The following CNTNAP5 variants were observed in gnomAD, a reference collection of about 807,000 sequenced individuals.
The protein encoded by CNTNAP5 is contactin-associated protein-like 5.
CNTNAP5 carries 72 observed loss-of-function variants against 150.2 expected under a neutral mutation model. The ratio of observed to expected loss-of-function variants is 0.48; its 90% CI spans 0.40 to 0.58. The LOEUF is 0.58. Among genes scored for constraint, CNTNAP5 ranks in the 20% least tolerant of loss-of-function variants. The probability of loss-of-function intolerance (pLI) is 0.00; values close to 1 mark genes in which losing one functional copy is unlikely to be tolerated. For missense variants in CNTNAP5, 1,636 were observed against 1,626.2 expected (o/e 1.01, Z -0.10); for synonymous variants, 672 against 619.8 (o/e 1.08, Z -1.25).
At chr2:124,164,456 A>G (rs1238568771) in intron 1 of CNTNAP5, among the ~76,000 whole-genome samples, 1 of 152,216 alleles carries the variant, frequency 6.6e-6, no homozygotes, top group Non-Finnish European at 1.5e-5. Context: ...CTAAGTGCAG[A>G]GACTCTGTTT....
At chr2:124,522,390 G>T (rs939080709) in intron 8 of CNTNAP5, among the ~76,000 whole-genome samples, 4 of 152,192 alleles carry the variant, frequency 2.6e-5, no homozygotes, top group Admixed American at 6.5e-5. Flanking sequence ...TGGGGACTCT[G>T]CAAGCAGTAG....
chr2:124,352,834 G>GA (rs893697433), intron 3 of CNTNAP5, among the ~76,000 whole-genome samples: 4 of 152,166 alleles, frequency 2.6e-5, no homozygotes, highest in Non-Finnish European at 5.9e-5. Flanking sequence ...ACTGGAAGCT[G>GA]AAAATCCATG....
intron 19 of CNTNAP5, among the ~76,000 whole-genome samples, chr2:124,864,573 TCACACACACACACACA>T (rs10531893): frequency 6.0e-5 from 9 of 149,958 alleles, no homozygotes; most frequent in African/African-American, 2.0e-4. Flanking sequence ...TCTCTGTGTC[TCACACACACACACACA>T]CACACACACA....
chr2:124,451,330 A>G (rs970403600), intron 6 of CNTNAP5, among the ~76,000 whole-genome samples: 3 of 151,866 alleles, frequency 2.0e-5, no homozygotes, highest in African/African-American at 7.3e-5. Flanking sequence ...AGTTTTAAAT[A>G]GAGATCATAT....
chr2:124,199,409 G>A (rs1052412257), intron 1 of CNTNAP5, among the ~76,000 whole-genome samples: 1 of 110,564 alleles, frequency 9.0e-6, no homozygotes, highest in African/African-American at 3.4e-5. Flanking sequence ...TTTATTCCAA[G>A]GTTCTTTTTT....
chr2:124,614,882 C>T lies in CNTNAP5; in HGVS notation c.1876+4962C>T, dbSNP rs915484436. Among the ~76,000 whole-genome samples, 6 of 152,062 alleles carry T rather than the reference C, an allele frequency of 3.9e-5. 1 individual carries two copies. The highest frequency in any genetic ancestry group is 1.4e-4 in the African/African-American group (6 of 41,380). ...AGCCTTATTTTACCCAGTCCCTATT[C>T]AAGACGGAGTCACTCTGGTTTAAAT... On this transcript the variant is annotated intron_variant, in intron 12 of 23. Transcript: ENST00000682447.
intron 1 of CNTNAP5, among the ~76,000 whole-genome samples, chr2:124,122,318 A>G (rs2104717478): frequency 6.6e-6 from 1 of 152,332 alleles, no homozygotes; most frequent in Non-Finnish European, 1.5e-5. Flanking sequence ...TGTCAGGCAC[A>G]GATATATTTA....
chr2:124,360,209 G>A (rs1479059981), intron 3 of CNTNAP5, among the ~76,000 whole-genome samples: 1 of 151,466 alleles, frequency 6.6e-6, no homozygotes, highest in Non-Finnish European at 1.5e-5. Flanking sequence ...CTCTGTACGT[G>A]AGATGGGTTT....
At chr2:124,104,994 C>G (rs375613327) in intron 1 of CNTNAP5, among the ~76,000 whole-genome samples, 1 of 147,210 alleles carries the variant, frequency 6.8e-6, no homozygotes, top group African/African-American at 2.5e-5. Flanking sequence ...CTCCCTCGGA[C>G]CAACCACTTT....
At chr2:124,829,980 GA>G (rs1682679693) in intron 19 of CNTNAP5, among the ~76,000 whole-genome samples, 1 of 151,192 alleles carries the variant, frequency 6.6e-6, no homozygotes, top group Non-Finnish European at 1.5e-5. Context: ...TATAATTTTA[GA>G]AAAGATTTAA....
At chr2:124,525,458 CTTAT>C (rs941364538) in intron 9 of CNTNAP5, among the ~76,000 whole-genome samples, 2 of 152,182 alleles carry the variant, frequency 1.3e-5, no homozygotes, top group Admixed American at 6.5e-5. Context: ...CTACAGTTTC[CTTAT>C]TTTTTTCCTA....
intron 3 of CNTNAP5, among the ~76,000 whole-genome samples, chr2:124,244,950 T>A (rs1486174825): frequency 6.6e-6 from 1 of 152,170 alleles, no homozygotes; most frequent in African/African-American, 2.4e-5. Context: ...TGGCAAAATA[T>A]TTCACAACTA....
chr2:124,668,687 A>G (rs1164106892), intron 13 of CNTNAP5, among the ~76,000 whole-genome samples: 1 of 152,226 alleles, frequency 6.6e-6, no homozygotes, highest in Non-Finnish European at 1.5e-5. Flanking sequence ...ATAAAAAGGT[A>G]TACCATTAGC....
intron 19 of CNTNAP5, among the ~76,000 whole-genome samples, chr2:124,849,461 G>A (rs546033986): frequency 2.6e-5 from 4 of 152,246 alleles, no homozygotes; most frequent in African/African-American, 9.6e-5. Context: ...TAGAAATTAT[G>A]AAGTGTGATG....
rs564504766 is a variant in CNTNAP5, at chr2:124,809,709, A to T, written c.3217+11389A>T. ...TCTCCTAGCAAGTTGAATAAAAATT[A>T]AAAAAGTGGGCAATCAAAAACAAAG... is the stretch of plus-strand genomic sequence containing the variant. On this transcript the variant is annotated intron_variant, in intron 19 of 23. Transcript: ENST00000682447. Among the ~76,000 whole-genome samples the T allele has an allele frequency of 2.1e-3, 318 of 152,352 alleles. 1 individual carries two copies. The highest frequency in any genetic ancestry group is 3.4e-3 in the Middle Eastern group (1 of 294).
intron 13 of CNTNAP5, among the ~76,000 whole-genome samples, chr2:124,691,018 C>T (rs969124966): frequency 2.6e-5 from 4 of 152,072 alleles, no homozygotes; most frequent in African/African-American, 7.2e-5. Context: ...CAGAAGCCTT[C>T]AGCGTGAAGG....
chr2:124,590,737 A>T (rs1209522483), intron 11 of CNTNAP5, among the ~76,000 whole-genome samples: 1 of 152,176 alleles, frequency 6.6e-6, no homozygotes, highest in Non-Finnish European at 1.5e-5. Flanking sequence ...AAGAAACAGG[A>T]CTGATACATT....
chr2:124,833,360 G>A (rs927239395), intron 19 of CNTNAP5, among the ~76,000 whole-genome samples: 4 of 152,162 alleles, frequency 2.6e-5, no homozygotes, highest in Non-Finnish European at 4.4e-5. Flanking sequence ...ATCTGCAAAT[G>A]TGGAGGAGAT....
intron 13 of CNTNAP5, 74 bp from the exon 14 acceptor site, chr2:124,747,155 C>T (rs1395919173): frequency 1.1e-5 from 16 of 1,431,480 alleles, no homozygotes; most frequent in Non-Finnish European, 1.5e-5. Flanking sequence ...ATATTTTCAG[C>T]TCAGTTTCTG....
Sources: gnomAD v4.1 joint callset for allele counts (sites outside exome capture counted in the v4.1 genomes callset) on GRCh38, gnomAD v4.1.1 for gene constraint, MANE v1.5 for transcripts, NCBI Gene and HGNC (gene_info 2026-07-23, HGNC 2026-07-21) for gene names.